PCSK6: variants seen among roughly 807,000 people sequenced by gnomAD.
PCSK6 encodes proprotein convertase subtilisin/kexin type 6.
PCSK6 carries 85 observed loss-of-function variants against 123.3 expected under a neutral mutation model. The observed-to-expected ratio is 0.69, with a 90% CI of 0.58 to 0.83. PCSK6 has a LOEUF of 0.83. PCSK6 is among the 40% of genes least tolerant of loss of function. PCSK6 has a pLI of 0.00. For missense variants in PCSK6, 1,191 were observed against 1,282.3 expected, an observed-to-expected ratio of 0.93 and a Z score of 1.09; for synonymous variants, 508 against 516.0, an observed-to-expected ratio of 0.98 and a Z score of 0.21.
At chr15:101,452,554 G>A (rs1158456018) in intron 1 of PCSK6, among the ~76,000 whole-genome samples, 1 of 152,158 alleles carries the variant, frequency 6.6e-6, no homozygotes, top group Admixed American at 6.5e-5. Flanking sequence ...TGGTGTGTGT[G>A]GGGTGGGAAG....
At chr15:101,394,294 T>G (rs72770786) in intron 7 of PCSK6, among the ~76,000 whole-genome samples, 5,840 of 152,166 alleles carry the variant, frequency 0.038, 167 homozygotes, top group Non-Finnish European at 0.055. Flanking sequence ...TGTTCATTGT[T>G]AAGAACGTAC....
Position 101,489,517 on chromosome 15 carries a change from G to T in PCSK6, c.154C>A (p.Leu52Met). Residue 52 changes from leucine (L) to methionine (M), a missense_variant, in exon 1 of 22, where the codon CTG becomes ATG. Coordinates refer to ENST00000611716, the MANE Select transcript of PCSK6 (RefSeq NM_002570.5). Reference protein sequence around the residue: ...RPLAPRPWRWLLLLALPAACS... With the variant: ...RPLAPRPWRWMLLLALPAACS... ...GCGGCAGGCAGCGCCAGCAGCAGCA[G>T]CCAGCGCCAGGGACGCGGCGCGAGC... is the stretch of plus-strand genomic sequence containing the variant. 9.7e-7 allele frequency: 1 copy of T among 1,033,980 alleles called. No individual in the cohort carries two copies. The allele number at this position is 1,033,980 out of a possible 1,614,324, so 64.1% of individuals were successfully genotyped here.
At chr15:101,417,188 T>G (rs1300763958) in intron 6 of PCSK6, among the ~76,000 whole-genome samples, 1 of 152,222 alleles carries the variant, frequency 6.6e-6, no homozygotes, top group Non-Finnish European at 1.5e-5. Context: ...TTCCTCCTCA[T>G]TTTTCTCTTG....
intron 1 of PCSK6, among the ~76,000 whole-genome samples, chr15:101,483,880 C>A (rs978895185): frequency 2.0e-5 from 3 of 152,218 alleles, no homozygotes; most frequent in Non-Finnish European, 2.9e-5. Flanking sequence ...GTAGGGACTT[C>A]TTAACATGGG....
intron 13 of PCSK6, among the ~76,000 whole-genome samples, chr15:101,339,910 A>AAT (rs113117643): frequency 0.15 from 22,205 of 146,728 alleles, 2,028 homozygotes; most frequent in Admixed American, 0.25. Context: ...ACCCTTTCTC[A>AAT]ATATATATAT....
rs556582059 is a variant in PCSK6 at position 101,393,246 on chromosome 15, G to C, written c.1175C>G (p.Thr392Ser). Residue 392 changes from threonine (T) to serine (S), a missense_variant, in exon 8 of 22, where the codon ACC becomes AGC. Thr to Ser is a moderately conservative substitution (Grantham distance 58). Coordinates refer to ENST00000611716, the MANE Select transcript of PCSK6 (RefSeq NM_002570.5). Reference sequence around the variant, plus strand: ...CTCATAAAAGGCCCCACTGCTGTAGGTGGTGGCCAGGGTGGAGGCACACTC... The same window carrying C: ...CTCATAAAAGGCCCCACTGCTGTAGCTGGTGGCCAGGGTGGAGGCACACTC... ...LEECASTLAT[T>S]YSSGAFYERK... 6.2e-7 allele frequency: 1 copy of C among 1,613,724 alleles called. No homozygotes were observed. The highest frequency in any genetic ancestry group is 8.5e-7 in the Non-Finnish European group (1 of 1,179,934).
intron 6 of PCSK6, among the ~76,000 whole-genome samples, chr15:101,423,550 C>G (rs548589176): frequency 6.6e-6 from 1 of 152,174 alleles, no homozygotes; most frequent in East Asian, 1.9e-4. Context: ...GTGTGAGCCA[C>G]CATGCCCAGC....
At chr15:101,353,401 G>A (rs981327436) in intron 13 of PCSK6, among the ~76,000 whole-genome samples, 4 of 152,138 alleles carry the variant, frequency 2.6e-5, no homozygotes, top group African/African-American at 4.8e-5. Context: ...TTTGCTGGCC[G>A]CTCACCTCCT....
intron 19 of PCSK6, among the ~76,000 whole-genome samples, chr15:101,315,719 G>A (rs941923340): frequency 4.6e-5 from 7 of 152,244 alleles, no homozygotes; most frequent in African/African-American, 9.6e-5. Flanking sequence ...GCACTGCCCC[G>A]CAACTTGGTA....
chr15:101,383,507 G>A lies in PCSK6; in HGVS notation c.1414+815C>T, dbSNP rs1361526947. On this transcript the variant is annotated intron_variant, in intron 10 of 21. Transcript: ENST00000611716. ...AAAGGCCGCCAACAGCCAGCCTAAC[G>A]AAGCCCTGACCCTGGGTTGATTTCA... 5.3e-5 allele frequency among the ~76,000 whole-genome samples: 8 copies of A among 151,274 alleles called. No individual in the cohort carries two copies. The East Asian group carries it at 1.2e-3, about 22-fold the overall frequency.
intron 13 of PCSK6, among the ~76,000 whole-genome samples, chr15:101,351,465 C>T (rs1056006950): frequency 3.3e-5 from 5 of 152,068 alleles, no homozygotes; most frequent in Non-Finnish European, 5.9e-5. Flanking sequence ...AAAATATTAC[C>T]CAATATTTAC....
intron 2 of PCSK6, among the ~76,000 whole-genome samples, chr15:101,437,434 C>T (rs1341886645): frequency 6.6e-6 from 1 of 151,416 alleles, no homozygotes; most frequent in African/African-American, 2.4e-5. Flanking sequence ...GGAGGAGGAA[C>T]CAGAAAATAA....
At chr15:101,309,811 T>C (rs1373146871) in intron 20 of PCSK6, among the ~76,000 whole-genome samples, 3 of 152,236 alleles carry the variant, frequency 2.0e-5, no homozygotes, top group African/African-American at 7.2e-5. Flanking sequence ...TGCTGGGTCC[T>C]CTCACTAGGT....
At chr15:101,441,951 G>A (rs965692768) in intron 2 of PCSK6, among the ~76,000 whole-genome samples, 2 of 152,136 alleles carry the variant, frequency 1.3e-5, no homozygotes, top group African/African-American at 4.8e-5. Flanking sequence ...TCTCTCAACC[G>A]CACAGAACTC....
chr15:101,311,332 G>A, intron 20 of PCSK6, among the ~76,000 whole-genome samples: 1 of 141,012 alleles, frequency 7.1e-6, no homozygotes, highest in Non-Finnish European at 1.5e-5. Context: ...TTGCCATGTT[G>A]GCCAGGCTGG....
chr15:101,374,255 A>G (rs2041670062), intron 11 of PCSK6, among the ~76,000 whole-genome samples: 1 of 151,596 alleles, frequency 6.6e-6, no homozygotes, highest in Admixed American at 6.6e-5. Context: ...CTCCCTAGGA[A>G]CTCCAGACCA....
At position 101,456,625 on chromosome 15, in the gene PCSK6, C is replaced by T. The variant is rs545517166; in HGVS notation, c.298-12965G>A. On this transcript the variant is annotated intron_variant, in intron 1 of 21. Transcript: ENST00000611716. Reference sequence around the variant, plus strand: ...GCACATAGGAAACCGCTTTGCCTACCGGGCTCTCAGAGGGCATAACAAGGA... The same window carrying T: ...GCACATAGGAAACCGCTTTGCCTACTGGGCTCTCAGAGGGCATAACAAGGA... 8.8e-4 allele frequency among the ~76,000 whole-genome samples: 134 copies of T among 152,260 alleles called. 1 individual carries two copies. Among genetic ancestry groups the T allele is most frequent in the Non-Finnish European group, 6.5e-4 (44 of 68,016 alleles).
At chr15:101,320,503 A>G (rs2040095544) in intron 18 of PCSK6, among the ~76,000 whole-genome samples, 1 of 152,208 alleles carries the variant, frequency 6.6e-6, no homozygotes, top group Non-Finnish European at 1.5e-5. Flanking sequence ...TGTGTGTGAG[A>G]GTAGGAGAAA....
At chr15:101,348,161 G>T (rs961286330) in intron 13 of PCSK6, among the ~76,000 whole-genome samples, 2 of 125,936 alleles carry the variant, frequency 1.6e-5, no homozygotes, top group Non-Finnish European at 3.7e-5. Flanking sequence ...CCGGGGTCCC[G>T]CTGGGTCGGA....
Sources: gnomAD v4.1 joint callset for allele counts (sites outside exome capture counted in the v4.1 genomes callset) on GRCh38, gnomAD v4.1.1 for gene constraint, MANE v1.5 for transcripts, NCBI Gene and HGNC (gene_info 2026-07-23, HGNC 2026-07-21) for gene names.